SMAD5: variants seen among roughly 807,000 people sequenced by gnomAD.
The protein encoded by SMAD5 is MAD, mothers against decapentaplegic homolog 5.
SMAD5 carries 9 observed loss-of-function variants against 43.1 expected under a neutral mutation model. The observed-to-expected ratio is 0.21, with a 90% CI of 0.13 to 0.36. SMAD5 has a LOEUF of 0.36. SMAD5 is among the 10% of genes least tolerant of loss of function. The pLI, the probability that SMAD5 is intolerant of heterozygous loss-of-function variation, is 1.00. For synonymous variants in SMAD5, 190 were observed against 192.4 expected (o/e 0.99, Z 0.10); for missense variants, 348 against 574.0 (o/e 0.61, Z 4.02).
chr5:136,180,732 T>C lies in SMAD5; in HGVS notation c.*3252T>C, dbSNP rs1754597652. The C allele has an allele frequency of 6.6e-6, 1 of 152,132 alleles. No individual in the cohort carries two copies. Among genetic ancestry groups the C allele is most frequent in the African/African-American group, 2.4e-5 (1 of 41,444 alleles). 9.4% of individuals were successfully genotyped at this position (152,132 alleles called of 1,614,324 possible). A position where few individuals can be genotyped will look rare whatever the true frequency, so the allele number is the denominator to read the frequency against. ...TTGCTATATAAAAAAAATAATAGAA[T>C]TGGTTGGGTTTCTGAGGTGAAATCC... On this transcript the variant is annotated 3_prime_UTR_variant, in exon 8 of 8. Transcript: ENST00000545279.
At chr5:136,145,008 C>A (rs778400258) in intron 1 of SMAD5, among the ~76,000 whole-genome samples, 1 of 150,970 alleles carries the variant, frequency 6.6e-6, no homozygotes. Context: ...AGAATGAGAA[C>A]AAAGGAGGGG....
chr5:136,140,961 C>T (rs554792838), intron 1 of SMAD5, among the ~76,000 whole-genome samples: 118 of 151,638 alleles, frequency 7.8e-4, no homozygotes, highest in Middle Eastern at 3.4e-3. Context: ...TATTCTAGTG[C>T]GAGAGACAGA....
At chr5:136,172,762 G>T in intron 6 of SMAD5, 107 bp downstream of exon 6, 1 of 757,380 alleles carries the variant, frequency 1.3e-6, no homozygotes, top group Non-Finnish European at 2.3e-6. Flanking sequence ...AGTTTGACAC[G>T]TGGCCTCTGC....
intron 1 of SMAD5, among the ~76,000 whole-genome samples, chr5:136,143,633 C>G (rs1387991521): frequency 2.0e-5 from 3 of 151,864 alleles, no homozygotes. Flanking sequence ...CTTGTACTTT[C>G]TTGCCAAGTG....
rs368602836 is a variant in SMAD5, at chr5:136,154,795, A to G, written c.403+632A>G. Reference sequence around the variant, plus strand: ...CGAGATCACTAGTGACTGCCTTTTTATAGGTCAAGGGGTCATTTTTGAGTC... The same window carrying G: ...CGAGATCACTAGTGACTGCCTTTTTGTAGGTCAAGGGGTCATTTTTGAGTC... On this transcript the variant is annotated intron_variant, in intron 3 of 7. Transcript: ENST00000545279. Among the ~76,000 whole-genome samples the G allele has an allele frequency of 1.3e-4, 20 of 151,994 alleles. No homozygotes were observed. The East Asian group carries it at 3.3e-3, about 25-fold the overall frequency.
intron 1 of SMAD5, among the ~76,000 whole-genome samples, chr5:136,138,523 G>A (rs1239565455): frequency 1.3e-5 from 2 of 152,186 alleles, no homozygotes; most frequent in Non-Finnish European, 2.9e-5. Flanking sequence ...TCTGCGTGCA[G>A]TTGTGAATGT....
At chr5:136,176,311 C>T (rs772052779) in intron 7 of SMAD5, among the ~76,000 whole-genome samples, 1 of 151,414 alleles carries the variant, frequency 6.6e-6, no homozygotes, top group South Asian at 2.1e-4. Context: ...AAAAATTAGC[C>T]GGGCATGGTG....
At chr5:136,141,393 G>C (rs1028116243) in intron 1 of SMAD5, among the ~76,000 whole-genome samples, 4 of 152,138 alleles carry the variant, frequency 2.6e-5, no homozygotes, top group Admixed American at 6.5e-5. Context: ...CTGTCTCTCT[G>C]TGTTCCTCTA....
intron 5 of SMAD5, among the ~76,000 whole-genome samples, chr5:136,164,795 C>T (rs1193310710): frequency 1.3e-5 from 2 of 151,870 alleles, no homozygotes; most frequent in Non-Finnish European, 1.5e-5. Context: ...TTTGTCTATC[C>T]CAAGGTCATG....
chr5:136,148,733 A>G (rs1358068472), intron 2 of SMAD5, among the ~76,000 whole-genome samples: 1 of 151,746 alleles, frequency 6.6e-6, no homozygotes, highest in Non-Finnish European at 1.5e-5. Context: ...TAGATCCTAC[A>G]TTGTTTGCCA....
At chr5:136,142,294 C>T (rs931257264) in intron 1 of SMAD5, among the ~76,000 whole-genome samples, 17 of 152,180 alleles carry the variant, frequency 1.1e-4, no homozygotes, top group Middle Eastern at 3.4e-3. Flanking sequence ...AAGACTTCCC[C>T]GAAGAAGGGA....
intron 2 of SMAD5, among the ~76,000 whole-genome samples, chr5:136,151,174 G>A (rs917056288): frequency 2.0e-5 from 3 of 151,680 alleles, no homozygotes; most frequent in Non-Finnish European, 4.4e-5. Flanking sequence ...AGGGCATCCA[G>A]TGGTTTTGAG....
intron 2 of SMAD5, among the ~76,000 whole-genome samples, chr5:136,148,408 C>T (rs1753337928): frequency 6.6e-6 from 1 of 151,654 alleles, no homozygotes; most frequent in African/African-American, 2.4e-5. Flanking sequence ...TCCCTGAGCT[C>T]AGTATTCCTC....
Position 136,182,088 on chromosome 5 carries a change from T to C in SMAD5, c.*4608T>C, listed in dbSNP as rs1163309660. On this transcript the variant is annotated 3_prime_UTR_variant, in exon 8 of 8. Transcript: ENST00000545279. ...TCGTAAACCATTATCCTTTAAAGGT[T>C]TATTTGAAGATGCTGTTAAAGTACA... The C allele has an allele frequency of 6.6e-6, 1 of 152,208 alleles. No individual in the cohort carries two copies. Among genetic ancestry groups the C allele is most frequent in the African/African-American group, 2.4e-5 (1 of 41,450 alleles). The allele number at this position is 152,208 out of a possible 1,614,324, so 9.4% of individuals were successfully genotyped here. A position where few individuals can be genotyped will look rare whatever the true frequency, so the allele number is the denominator to read the frequency against.
chr5:136,172,602 C>A lies in SMAD5; in HGVS notation c.944C>A (p.Ser315Ter). The change falls in exon 6 of 8, where the codon TCA becomes TAA. Residue 315 changes from serine (S) to a stop codon, truncating the protein, a stop_gained. Coordinates refer to ENST00000545279, the MANE Select transcript of SMAD5 (RefSeq NM_005903.7). LOFTEE classifies it high-confidence loss of function. ...NKSRFCLGLL[S>*]NVNRNSTIEN... ...AGTAGATTCTGCTTGGGTTTGTTGT[C>A]AAATGTTAATCGTAATTCGACAATT... 6.2e-7 allele frequency: 1 copy of A among 1,613,272 alleles called. No individual in the cohort carries two copies. The highest frequency in any genetic ancestry group is 1.1e-5 in the South Asian group (1 of 91,048).
At chr5:136,166,919 G>T (rs894408722) in intron 5 of SMAD5, among the ~76,000 whole-genome samples, 2 of 152,150 alleles carry the variant, frequency 1.3e-5, no homozygotes, top group Non-Finnish European at 2.9e-5. Context: ...CCCCTTTAGA[G>T]GAACTTGATA....
Position 136,177,666 on chromosome 5 carries a change from A to G in SMAD5, c.*186A>G. 1.9e-6 allele frequency: 1 copy of G among 537,510 alleles called. No homozygotes were observed. The highest frequency in any genetic ancestry group is 3.2e-6 in the Non-Finnish European group (1 of 308,512). 33.3% of individuals were successfully genotyped at this position (537,510 alleles called of 1,614,324 possible). ...ATTTGTTTGTATTCATGTTCATGTGATTAACTCTTAGAAGTGTTGTAAAAG... is the reference window on the plus strand; with the variant it reads ...ATTTGTTTGTATTCATGTTCATGTGGTTAACTCTTAGAAGTGTTGTAAAAG... On this transcript the variant is annotated 3_prime_UTR_variant, in exon 8 of 8. Coordinates refer to ENST00000545279, the MANE Select transcript of SMAD5 (RefSeq NM_005903.7).
In SMAD5 at chr5:136,174,580, A is replaced by T; in HGVS notation, c.1202A>T (p.Glu401Val). ...LLAQSVNHGF[E>V]AVYELTKMCT... The stretch of plus-strand genomic sequence containing the variant: ...GCTCAATCTGTCAACCATGGGTTTG[A>T]GGCAGTATATGAGCTCACCAAAATG... The change falls in exon 7 of 8, where the codon GAG becomes GTG. Residue 401 changes from glutamate (E) to valine (V), a missense_variant. This residue lies in a region of SMAD5 where 97 missense variants were observed against 211.8 expected (regional missense o/e 0.46). Transcript: ENST00000545279. The T allele has an allele frequency of 6.2e-7, 1 of 1,613,550 alleles. No individual in the cohort carries two copies. The highest frequency in any genetic ancestry group is 8.5e-7 in the Non-Finnish European group (1 of 1,179,524).
intron 4 of SMAD5, among the ~76,000 whole-genome samples, chr5:136,161,776 A>G (rs1440571719): frequency 2.0e-5 from 3 of 152,220 alleles, no homozygotes; most frequent in Non-Finnish European, 2.9e-5. Context: ...TGCTGTTGTC[A>G]GGCAGAGTCA....
Sources: gnomAD v4.1 joint callset for allele counts (sites outside exome capture counted in the v4.1 genomes callset) on GRCh38, gnomAD v4.1.1 for gene constraint, gnomAD v4.1.1 regional missense constraint, MANE v1.5 for transcripts, NCBI Gene and HGNC (gene_info 2026-07-23, HGNC 2026-07-21) for gene names.